The following TP53BP2 variants were observed in gnomAD, a reference collection of about 807,000 sequenced individuals.
TP53BP2 encodes tumor protein p53 binding protein 2.
TP53BP2 carries 62 observed loss-of-function variants against 126.2 expected under a neutral mutation model. The ratio of observed to expected loss-of-function variants is 0.49; its 90% CI spans 0.40 to 0.61. The LOEUF (loss-of-function observed/expected upper bound fraction) is 0.61. Among genes scored for constraint, TP53BP2 ranks in the 20% least tolerant of loss-of-function variants. The pLI is 0.00. For synonymous variants in TP53BP2, 485 were observed against 502.9 expected (o/e 0.96, Z 0.48); for missense variants, 1,215 against 1,402.8 (o/e 0.87, Z 2.14).
chr1:223,802,966 G>A (rs1383096326), intron 7 of TP53BP2, 71 bp from the exon 8 acceptor site: 1 of 1,514,690 alleles, frequency 6.6e-7, no homozygotes, highest in African/African-American at 1.4e-5. Context: ...TTAATCACAT[G>A]GTTAACTATT....
At chr1:223,794,948 C>G (rs1219836762) in intron 13 of TP53BP2, among the ~76,000 whole-genome samples, 1 of 152,112 alleles carries the variant, frequency 6.6e-6, no homozygotes, top group East Asian at 1.9e-4. Context: ...TCTTTTAATG[C>G]TATTTTGCTT....
chr1:223,830,899 C>G (rs1043771217), intron 1 of TP53BP2, among the ~76,000 whole-genome samples: 1 of 151,960 alleles, frequency 6.6e-6, no homozygotes, highest in Non-Finnish European at 1.5e-5. Flanking sequence ...GAGATCAAGA[C>G]CATCTTGGCT....
chr1:223,804,406 A>C, intron 5 of TP53BP2, 58 bp from the exon 6 acceptor site: 8 of 1,496,896 alleles, frequency 5.3e-6, no homozygotes, highest in Non-Finnish European at 7.4e-6. Flanking sequence ...CACTAAGCTC[A>C]AAATAGCCTA....
chr1:223,787,217 C>T (rs1447528794), intron 16 of TP53BP2, among the ~76,000 whole-genome samples: 1 of 152,024 alleles, frequency 6.6e-6, no homozygotes, highest in African/African-American at 2.4e-5. Context: ...CCGGTTAACA[C>T]ATTATATTAA....
At chr1:223,809,974 G>A (rs1238861527) in intron 4 of TP53BP2, among the ~76,000 whole-genome samples, 1 of 152,036 alleles carries the variant, frequency 6.6e-6, no homozygotes, top group Non-Finnish European at 1.5e-5. Flanking sequence ...TTACAGACAT[G>A]TACTACTACA....
intron 1 of TP53BP2, among the ~76,000 whole-genome samples, chr1:223,830,300 A>G (rs1663651823): frequency 6.6e-6 from 1 of 152,214 alleles, no homozygotes. Flanking sequence ...AAAGTTTTCA[A>G]TTCTGGAGCA....
chr1:223,800,909 A>ATAAAT, intron 9 of TP53BP2, 99 bp from the exon 10 acceptor site: 1 of 762,642 alleles, frequency 1.3e-6, no homozygotes, highest in South Asian at 1.8e-5. Flanking sequence ...ACAGCTTTAA[A>ATAAAT]TTCCAGACTC....
intron 1 of TP53BP2, among the ~76,000 whole-genome samples, chr1:223,840,860 A>C (rs553014617): frequency 6.6e-6 from 1 of 152,204 alleles, no homozygotes; most frequent in Non-Finnish European, 1.5e-5. Context: ...AAAAAGTCTA[A>C]ATCTGGTTTC....
chr1:223,828,078 A>C (rs1465261294), intron 1 of TP53BP2, among the ~76,000 whole-genome samples: 1 of 152,234 alleles, frequency 6.6e-6, no homozygotes, highest in Non-Finnish European at 1.5e-5. Context: ...CTATCAACTA[A>C]GTCCTTCAGA....
chr1:223,805,949 GGTCTGTT>G (rs1460939642), intron 5 of TP53BP2, among the ~76,000 whole-genome samples: 1 of 152,220 alleles, frequency 6.6e-6, no homozygotes, highest in Non-Finnish European at 1.5e-5. Flanking sequence ...TACAGAGAAA[GGTCTGTT>G]GGCTTTTGGG....
At chr1:223,830,184 T>A (rs1241558343) in intron 1 of TP53BP2, among the ~76,000 whole-genome samples, 1 of 152,238 alleles carries the variant, frequency 6.6e-6, no homozygotes, top group Non-Finnish European at 1.5e-5. Flanking sequence ...CAGAATTTTT[T>A]CGGATTTTAG....
At chr1:223,786,858 G>A (rs974411170) in intron 16 of TP53BP2, among the ~76,000 whole-genome samples, 2 of 151,746 alleles carry the variant, frequency 1.3e-5, no homozygotes, top group East Asian at 1.9e-4. Context: ...TGCCCACGTC[G>A]GCCTCCCAAA....
Position 223,803,533 on chromosome 1 carries a change from T to C in TP53BP2, c.650-81A>G. On this transcript the variant is annotated intron_variant, in intron 6 of 17. Transcript: ENST00000343537. The stretch of plus-strand genomic sequence containing the variant: ...CTTCCCAGGCAACCGGGCTTTACAA[T>C]GAACTTTCTAATAAACAGTAGAAAA... 2.9e-6 allele frequency: 4 copies of C among 1,369,812 alleles called. No individual in the cohort carries two copies. In the South Asian group the frequency reaches 6.2e-5, roughly 21 times the overall value. 84.9% of individuals were successfully genotyped at this position (1,369,812 alleles called of 1,614,324 possible).
rs1240315582 is a variant in TP53BP2 at position 223,833,657 on chromosome 1, T to C, written c.27+11997A>G. ...ACAGGGACCTCTACATAGAAACCTATAGGAGTCATATCCTATCAAAGCCAG... is the reference window on the plus strand; with the variant it reads ...ACAGGGACCTCTACATAGAAACCTACAGGAGTCATATCCTATCAAAGCCAG... On this transcript the variant is annotated intron_variant, in intron 1 of 17. Coordinates refer to ENST00000343537, the MANE Select transcript of TP53BP2 (RefSeq NM_001031685.3). Among the ~76,000 whole-genome samples, 4 of 152,194 alleles carry C rather than the reference T, an allele frequency of 2.6e-5. No individual in the cohort carries two copies. In the East Asian group the frequency reaches 5.8e-4, roughly 22 times the overall value.
At chr1:223,814,134 C>G in intron 3 of TP53BP2, 106 bp downstream of exon 3, 1 of 780,546 alleles carries the variant, frequency 1.3e-6, no homozygotes, top group Non-Finnish European at 2.1e-6. Flanking sequence ...TTCCTAACCT[C>G]TCCTTCACCT....
chr1:223,840,409 T>C (rs72749572), intron 1 of TP53BP2, among the ~76,000 whole-genome samples: 186 of 152,338 alleles, frequency 1.2e-3, no homozygotes, highest in Non-Finnish European at 2.0e-3. Context: ...ATTTAAATAA[T>C]GTGTGGCTTA....
chr1:223,829,312 C>CTA (rs1252535963), intron 1 of TP53BP2, among the ~76,000 whole-genome samples: 3 of 151,850 alleles, frequency 2.0e-5, no homozygotes, highest in Non-Finnish European at 4.4e-5. Flanking sequence ...GTCTCAAAAG[C>CTA]TATATATATA....
chr1:223,832,086 C>CAA (rs1310030595), intron 1 of TP53BP2, among the ~76,000 whole-genome samples: 3 of 151,748 alleles, frequency 2.0e-5, no homozygotes, highest in African/African-American at 7.3e-5. Flanking sequence ...CAAGATGAGT[C>CAA]AGAGGCTAAC....
At chr1:223,831,229 A>T (rs1285492815) in intron 1 of TP53BP2, among the ~76,000 whole-genome samples, 15 of 33,658 alleles carry the variant, frequency 4.5e-4, no homozygotes, top group Middle Eastern at 0.013. Context: ...CATTTATATT[A>T]AAAAAAAAAA....
Sources: gnomAD v4.1 joint callset for allele counts (sites outside exome capture counted in the v4.1 genomes callset) on GRCh38, gnomAD v4.1.1 for gene constraint, MANE v1.5 for transcripts, NCBI Gene and HGNC (gene_info 2026-07-23, HGNC 2026-07-21) for gene names.